ZNF385D: variants seen among roughly 807,000 people sequenced by gnomAD.
The protein encoded by ZNF385D is zinc finger protein 659.
ZNF385D carries 15 observed loss-of-function variants against 35.8 expected under a neutral mutation model. That is an observed-to-expected ratio of 0.42 (90% CI 0.28 to 0.64). The LOEUF (loss-of-function observed/expected upper bound fraction) is 0.64, where lower values mean the gene tolerates loss of function less well. ZNF385D is among the 30% of genes least tolerant of loss of function. ZNF385D has a pLI of 0.23. For synonymous variants in ZNF385D, 212 were observed against 186.8 expected, an observed-to-expected ratio of 1.13 and a Z score of -1.10; for missense variants, 474 against 494.6, an observed-to-expected ratio of 0.96 and a Z score of 0.39.
At chr3:22,265,403 C>A (rs1700847695) in intron 2 of ZNF385D, among the ~76,000 whole-genome samples, 1 of 151,830 alleles carries the variant, frequency 6.6e-6, no homozygotes, top group Non-Finnish European at 1.5e-5. Flanking sequence ...ACATTATTGG[C>A]AAATGAGGTT....
At chr3:22,181,938 C>G (rs926687459) in intron 2 of ZNF385D, among the ~76,000 whole-genome samples, 3 of 152,064 alleles carry the variant, frequency 2.0e-5, no homozygotes, top group African/African-American at 7.2e-5. Flanking sequence ...TAGTCTCTGG[C>G]CAACAACCAG....
At chr3:21,850,583 G>A (rs1005175424) in intron 3 of ZNF385D, among the ~76,000 whole-genome samples, 3 of 152,074 alleles carry the variant, frequency 2.0e-5, no homozygotes, top group African/African-American at 7.2e-5. Context: ...AAATGATTAA[G>A]GTAAGACTTC....
chr3:21,940,616 C>G (rs1305707790), intron 3 of ZNF385D, among the ~76,000 whole-genome samples: 1 of 151,996 alleles, frequency 6.6e-6, no homozygotes, highest in Non-Finnish European at 1.5e-5. Context: ...AACTTAGATT[C>G]TAGTTAGGGA....
At position 21,466,416 on chromosome 3, in the gene ZNF385D, C is replaced by T. The variant is rs1703521353; in HGVS notation, c.440-29213G>A. Among the ~76,000 whole-genome samples the T allele has an allele frequency of 2.0e-5, 3 of 152,088 alleles. No individual in the cohort carries two copies. In the South Asian group the frequency reaches 6.2e-4, roughly 32 times the overall value. On this transcript the variant is annotated intron_variant, in intron 4 of 7. Coordinates refer to ENST00000281523, the MANE Select transcript of ZNF385D (RefSeq NM_024697.3). Reference sequence around the variant, plus strand: ...TTGCCTTTAGCATGGTTCATTCTTCCTCCTCATTTGGCTAATGTGTACTTA... The same window carrying T: ...TTGCCTTTAGCATGGTTCATTCTTCTTCCTCATTTGGCTAATGTGTACTTA...
At chr3:22,095,245 G>A (rs1273669494) in intron 3 of ZNF385D, among the ~76,000 whole-genome samples, 2 of 151,400 alleles carry the variant, frequency 1.3e-5, no homozygotes. Flanking sequence ...CTTTATCCTT[G>A]AAATTAAACA....
intron 2 of ZNF385D, among the ~76,000 whole-genome samples, chr3:22,321,164 G>GTTTTTTTTTTTTTTTTTTTTTTTTTT: frequency 5.3e-5 from 4 of 76,164 alleles, no homozygotes; most frequent in African/African-American, 1.0e-4. Context: ...TTATGACCTT[G>GTTTTTTTTTTTTTTTTTTTTTTTTTT]TTTTTTTTTT....
intron 3 of ZNF385D, among the ~76,000 whole-genome samples, chr3:22,032,737 C>T (rs902744764): frequency 7.9e-5 from 12 of 152,076 alleles, no homozygotes; most frequent in South Asian, 2.1e-4. Context: ...CTTATGGGGT[C>T]GGCTGAAAAA....
intron 2 of ZNF385D, among the ~76,000 whole-genome samples, chr3:22,199,199 G>A (rs764678969): frequency 2.0e-5 from 3 of 151,960 alleles, no homozygotes; most frequent in Non-Finnish European, 4.4e-5. Context: ...TTTAGTTTCT[G>A]TCCCCTCCAC....
At chr3:22,066,117 A>C (rs1699935856) in intron 3 of ZNF385D, among the ~76,000 whole-genome samples, 1 of 152,204 alleles carries the variant, frequency 6.6e-6, no homozygotes, top group African/African-American at 2.4e-5. Flanking sequence ...AGAAGAGTTG[A>C]AAGATGTGAT....
At chr3:21,820,446 G>T (rs1194485567) in intron 3 of ZNF385D, among the ~76,000 whole-genome samples, 4 of 151,490 alleles carry the variant, frequency 2.6e-5, no homozygotes, top group African/African-American at 9.7e-5. Context: ...AATAGTTAAG[G>T]GGTACAACAA....
At chr3:22,145,634 T>G (rs1394691864) in intron 3 of ZNF385D, among the ~76,000 whole-genome samples, 1 of 152,210 alleles carries the variant, frequency 6.6e-6, no homozygotes, top group East Asian at 1.9e-4. Flanking sequence ...ATTTTGGGGT[T>G]TTGAGTTACA....
intron 3 of ZNF385D, among the ~76,000 whole-genome samples, chr3:21,758,293 A>G (rs1269759503): frequency 1.3e-5 from 2 of 152,232 alleles, no homozygotes. Context: ...CCTAGAACAT[A>G]GCAGAAATGC....
chr3:21,790,530 A>C (rs1044179565), intron 3 of ZNF385D, among the ~76,000 whole-genome samples: 3 of 152,210 alleles, frequency 2.0e-5, no homozygotes, highest in African/African-American at 7.2e-5. Flanking sequence ...TACTGAAAAA[A>C]ATAAAGAGAA....
At chr3:21,727,951 T>C (rs1380378995) in intron 1 of ZNF385D, among the ~76,000 whole-genome samples, 1 of 151,790 alleles carries the variant, frequency 6.6e-6, no homozygotes, top group Admixed American at 6.6e-5. Context: ...AAAGAAAATG[T>C]GGCCATAAAA....
intron 1 of ZNF385D, among the ~76,000 whole-genome samples, chr3:21,745,080 A>G (rs1304948069): frequency 6.6e-6 from 1 of 152,124 alleles, no homozygotes; most frequent in African/African-American, 2.4e-5. Flanking sequence ...CATAGATTAA[A>G]CAACATTTAT....
intron 2 of ZNF385D, among the ~76,000 whole-genome samples, chr3:22,196,753 T>A (rs955742921): frequency 6.6e-6 from 1 of 152,060 alleles, no homozygotes; most frequent in Admixed American, 6.6e-5. Context: ...AATACATTGT[T>A]GTCATTTTAA....
rs187679357 is a variant in ZNF385D, at chr3:21,589,538, A to C, written c.166-24854T>G. On this transcript the variant is annotated intron_variant, in intron 2 of 7. Transcript: ENST00000281523. ...GGAAAATATTTTTTACATAAGACAAAAAAAGCTTGCAACAGCTTTGAAACT... is the reference window on the plus strand; with the variant it reads ...GGAAAATATTTTTTACATAAGACAACAAAAGCTTGCAACAGCTTTGAAACT... Among the ~76,000 whole-genome samples, 71 of 152,304 alleles carry C rather than the reference A, an allele frequency of 4.7e-4. No individual in the cohort carries two copies. In the East Asian group the frequency reaches 0.013, roughly 27 times the overall value.
chr3:21,833,926 T>A (rs1427214878), intron 3 of ZNF385D, among the ~76,000 whole-genome samples: 1 of 152,182 alleles, frequency 6.6e-6, no homozygotes, highest in African/African-American at 2.4e-5. Context: ...GTATAGCCAT[T>A]TTTGAAATGA....
chr3:22,299,992 A>C (rs1394538560), intron 2 of ZNF385D, among the ~76,000 whole-genome samples: 2 of 152,010 alleles, frequency 1.3e-5, no homozygotes, highest in Non-Finnish European at 2.9e-5. Flanking sequence ...AAGACCCCAA[A>C]GAGCCAAAGC....
Sources: allele counts gnomAD v4.1 joint callset (sites outside exome capture counted in the v4.1 genomes callset), GRCh38; gene constraint gnomAD v4.1.1; transcripts MANE v1.5; gene names NCBI Gene and HGNC (gene_info 2026-07-23, HGNC 2026-07-21).